Variants in DIRAS2 observed in about 807,000 individuals in gnomAD.
DIRAS2 encodes the protein GTP-binding protein Di-Ras2.
DIRAS2 carries 5 observed loss-of-function variants against 13.9 expected under a neutral mutation model. The observed-to-expected ratio is 0.36, with a 90% confidence interval of 0.19 to 0.76. The LOEUF is 0.76. Ranked by LOEUF, DIRAS2 falls within the 30% of genes least tolerant of loss-of-function variation. The pLI, the probability that DIRAS2 is intolerant of heterozygous loss-of-function variation, is 0.53. For synonymous variants in DIRAS2, 111 were observed against 105.4 expected, an observed-to-expected ratio of 1.05 and a Z score of -0.33; for missense variants, 191 against 263.0, an observed-to-expected ratio of 0.73 and a Z score of 1.89.
chr9:90,620,884 A>C (rs754378256), intron 1 of DIRAS2, among the ~76,000 whole-genome samples: 6 of 152,348 alleles, frequency 3.9e-5, no homozygotes, highest in Middle Eastern at 6.8e-3. Context: ...ACAGATGTTA[A>C]CATTGTTGTT....
intron 1 of DIRAS2, among the ~76,000 whole-genome samples, chr9:90,637,176 T>C (rs1041216811): frequency 3.3e-5 from 5 of 152,238 alleles, no homozygotes; most frequent in African/African-American, 1.2e-4. Flanking sequence ...AGTCCCACCA[T>C]TGTAAAGTCA....
At chr9:90,619,496 G>T (rs1159305059) in intron 1 of DIRAS2, among the ~76,000 whole-genome samples, 1 of 152,090 alleles carries the variant, frequency 6.6e-6, no homozygotes, top group Non-Finnish European at 1.5e-5. Flanking sequence ...TACTCACTTG[G>T]ATGGTTATAA....
At chr9:90,628,916 G>A (rs1196811677) in intron 1 of DIRAS2, among the ~76,000 whole-genome samples, 1 of 151,696 alleles carries the variant, frequency 6.6e-6, no homozygotes, top group Admixed American at 6.6e-5. Flanking sequence ...GTGCAGTGGC[G>A]CAATCTCGGC....
intron 1 of DIRAS2, among the ~76,000 whole-genome samples, chr9:90,634,477 G>T (rs1329307217): frequency 2.0e-5 from 3 of 152,202 alleles, no homozygotes; most frequent in South Asian, 4.1e-4. Context: ...CTCTTGGCAG[G>T]CTTCCAGTCA....
chr9:90,633,403 C>T (rs1303144470), intron 1 of DIRAS2, among the ~76,000 whole-genome samples: 1 of 152,128 alleles, frequency 6.6e-6, no homozygotes, highest in African/African-American at 2.4e-5. Flanking sequence ...TGAGAGAATC[C>T]TGGACAAAAG....
At chr9:90,615,831 C>T (rs1005358802) in intron 1 of DIRAS2, among the ~76,000 whole-genome samples, 1 of 152,238 alleles carries the variant, frequency 6.6e-6, no homozygotes, top group Non-Finnish European at 1.5e-5. Context: ...AAAAGCCCCA[C>T]TTCCAAATAC....
In DIRAS2 at chr9:90,613,877, C is replaced by T; in HGVS notation, c.-36-14G>A. 1 of 1,546,788 alleles carries T rather than the reference C, an allele frequency of 6.5e-7. No individual in the cohort carries two copies. The highest frequency in any genetic ancestry group is 8.7e-7 in the Non-Finnish European group (1 of 1,149,020). On this transcript the variant is annotated splice_polypyrimidine_tract_variant and intron_variant, in intron 1 of 1. Transcript: ENST00000375765. This position sits in a 1 kb window ranked among gnomAD's most constrained non-coding sequence, Gnocchi z 5.6. ...GCCAGGACGCACCTAGCAAAGGAAC[C>T]AGATGTTTGAAAGAATTAATAATTA... is the stretch of plus-strand genomic sequence containing the variant.
At chr9:90,622,715 A>G (rs1165167144) in intron 1 of DIRAS2, among the ~76,000 whole-genome samples, 1 of 152,200 alleles carries the variant, frequency 6.6e-6, no homozygotes, top group Admixed American at 6.5e-5. Flanking sequence ...CAAAGCCAGT[A>G]TGATTATCTT....
rs545916898 is a variant in DIRAS2, at chr9:90,617,610, T to C, written c.-36-3747A>G. Among the ~76,000 whole-genome samples the C allele has an allele frequency of 2.6e-5, 4 of 152,278 alleles. No homozygotes were observed. In the East Asian group the frequency reaches 5.8e-4, roughly 22 times the overall value. The stretch of plus-strand genomic sequence containing the variant: ...AAGCACTTGAACAGCTCTCAGCACA[T>C]AGTTTTTTGGCTACATTCAAGAAGG... On this transcript the variant is annotated intron_variant, in intron 1 of 1. Transcript: ENST00000375765.
rs1229715685 is a variant in DIRAS2, at chr9:90,613,505, T to C, written c.323A>G (p.Lys108Arg). ...KPIYEQICEI[K>R]GDVESIPIML... ...GATGGGGATGCTCTCCACGTCCCCT[T>C]TGATCTCGCAGATTTGTTCGTAGAT... Residue 108 changes from lysine to arginine, a missense_variant, in exon 2 of 2, where the codon AAA (lysine) becomes AGA (arginine). By Grantham distance (26) the Lys-to-Arg change is conservative. Transcript: ENST00000375765. This position sits in a 1 kb window ranked among gnomAD's most constrained non-coding sequence, Gnocchi z 5.6. 1.2e-6 allele frequency: 2 copies of C among 1,614,112 alleles called. No homozygotes were observed.
At position 90,613,420 on chromosome 9, in the gene DIRAS2, C is replaced by T. The variant is rs756702634; in HGVS notation, c.408G>A (p.Ala136=). 1.1e-5 allele frequency: 18 copies of T among 1,613,992 alleles called. No individual in the cohort carries two copies. Among genetic ancestry groups the T allele is most frequent in the Admixed American group, 1.7e-5 (1 of 60,004 alleles). ...SPSREVQSSE[A]EALARTWKCA... ...ACTTCCATGTGCGGGCCAAGGCCTC[C>T]GCCTCGCTGCTCTGCACCTCGCGGC... Residue 136 remains alanine (A), a synonymous_variant, in exon 2 of 2, where the codon GCG becomes GCA. Coordinates refer to ENST00000375765, the MANE Select transcript of DIRAS2 (RefSeq NM_017594.5). The surrounding 1 kb of genome is among the most constrained non-coding windows in gnomAD (Gnocchi z 5.6).
At chr9:90,627,967 G>A (rs1045408809) in intron 1 of DIRAS2, among the ~76,000 whole-genome samples, 14 of 151,834 alleles carry the variant, frequency 9.2e-5, no homozygotes, top group Admixed American at 5.9e-4. Flanking sequence ...ACCATGGCAC[G>A]TGTATACCTA....
At chr9:90,631,510 C>T (rs1384874715) in intron 1 of DIRAS2, among the ~76,000 whole-genome samples, 3 of 152,158 alleles carry the variant, frequency 2.0e-5, no homozygotes, top group Non-Finnish European at 4.4e-5. Context: ...GGCAGGATTC[C>T]AGTCAGAAGT....
chr9:90,628,747 A>G (rs1825295628), intron 1 of DIRAS2, among the ~76,000 whole-genome samples: 2 of 152,048 alleles, frequency 1.3e-5, no homozygotes, highest in Admixed American at 1.3e-4. Flanking sequence ...AGGTTTCATC[A>G]TGTTGTCCAG....
intron 1 of DIRAS2, among the ~76,000 whole-genome samples, chr9:90,630,160 T>C (rs1825311046): frequency 6.6e-6 from 1 of 152,226 alleles, no homozygotes; most frequent in Admixed American, 6.5e-5. Context: ...TTTTGGTTCA[T>C]TCTCCAGCAC....
intron 1 of DIRAS2, among the ~76,000 whole-genome samples, chr9:90,634,482 C>T (rs1343404308): frequency 1.3e-5 from 2 of 152,182 alleles, no homozygotes; most frequent in African/African-American, 4.8e-5. Context: ...GGCAGGCTTC[C>T]AGTCAAGGCC....
Position 90,612,852 on chromosome 9 carries a change from C to G in DIRAS2, c.*376G>C, listed in dbSNP as rs1227634441. 1 of 230,004 alleles carries G rather than the reference C, an allele frequency of 4.3e-6. No homozygotes were observed. Among genetic ancestry groups the G allele is most frequent in the Admixed American group, 5.2e-5 (1 of 19,274 alleles). The allele number at this position is 230,004 out of a possible 1,614,324, so 14.2% of individuals were successfully genotyped here. ...TTCTGTCTGGGGTTGGTGCAGGTAA[C>G]TCTAGGTTAACACGCTCTCACATGC... On this transcript the variant is annotated 3_prime_UTR_variant, in exon 2 of 2. Transcript: ENST00000375765.
At chr9:90,624,653 T>G (rs1326124959) in intron 1 of DIRAS2, among the ~76,000 whole-genome samples, 1 of 152,196 alleles carries the variant, frequency 6.6e-6, no homozygotes, top group East Asian at 1.9e-4. Flanking sequence ...CTAGAACAAT[T>G]TCATCTGGGG....
chr9:90,625,851 A>G (rs1002380940), intron 1 of DIRAS2: 11 of 152,190 alleles, frequency 7.2e-5, no homozygotes. Flanking sequence ...AAAATTTTAA[A>G]AATTTGTACA....
Sources: allele counts gnomAD v4.1 joint callset (sites outside exome capture counted in the v4.1 genomes callset), GRCh38; gene constraint gnomAD v4.1.1; non-coding constraint Gnocchi (gnomAD v3.1); transcripts MANE v1.5; gene names NCBI Gene and HGNC (gene_info 2026-07-23, HGNC 2026-07-21).